BACH1: variants seen among roughly 807,000 people sequenced by gnomAD.
The protein encoded by BACH1 is BTB domain and CNC homolog 1, also known as transcription regulator protein BACH1.
Under a neutral mutation model 52.9 loss-of-function variants are expected in BACH1, and 35 were observed. The ratio of observed to expected loss-of-function variants is 0.66; its 90% CI spans 0.51 to 0.88. The LOEUF is 0.88. Ranked by LOEUF, BACH1 falls within the 40% of genes least tolerant of loss-of-function variation. The pLI, the probability that BACH1 is intolerant of heterozygous loss-of-function variation, is 0.00. For synonymous variants in BACH1, 321 were observed against 319.6 expected, an observed-to-expected ratio of 1.00 and a Z score of -0.05; for missense variants, 808 against 872.6, an observed-to-expected ratio of 0.93 and a Z score of 0.93.
chr21:29,318,833 A>G (rs867770870), intron 1 of BACH1, among the ~76,000 whole-genome samples: 29 of 149,950 alleles, frequency 1.9e-4, no homozygotes, highest in African/African-American at 6.1e-4. Context: ...CTCAGGTCCA[A>G]TTTTTTTTTT....
At position 29,343,671 on chromosome 21, in the gene BACH1, C is replaced by G. The variant is rs2089140017; in HGVS notation, c.*838C>G. The G allele has an allele frequency of 6.6e-6, 1 of 152,188 alleles. No homozygotes were observed. Among genetic ancestry groups the G allele is most frequent in the African/African-American group, 2.4e-5 (1 of 41,436 alleles). 9.4% of individuals were successfully genotyped at this position (152,188 alleles called of 1,614,324 possible). On this transcript the variant is annotated 3_prime_UTR_variant, in exon 5 of 5. Coordinates refer to ENST00000286800, the MANE Select transcript of BACH1 (RefSeq NM_001186.4). ...TGAGTGATTACACTGGCAGCATTAT[C>G]TCAGGCTCCCTAGAATCTGGAGAGC...
chr21:29,349,045 G>T (rs1220295599), downstream of BACH1, among the ~76,000 whole-genome samples: 1 of 150,900 alleles, frequency 6.6e-6, no homozygotes, highest in Non-Finnish European at 1.5e-5. Context: ...AGTGAGCCGA[G>T]ATAGCGCCAC....
chr21:29,358,770 AAAAGAAAGAAAGAAAG>A (rs373884402), intron 2 of BACH1, among the ~76,000 whole-genome samples: 99 of 108,968 alleles, frequency 9.1e-4, no homozygotes, highest in South Asian at 5.7e-3. Context: ...AAAAGAAAAG[AAAAGAAAGAAAGAAAG>A]AAAGAAAGAA....
At chr21:29,317,712 G>T (rs2088804495) in intron 1 of BACH1, among the ~76,000 whole-genome samples, 1 of 152,208 alleles carries the variant, frequency 6.6e-6, no homozygotes, top group South Asian at 2.1e-4. Flanking sequence ...AGGGGGTCAA[G>T]AGGGGCTTTA....
intron 1 of BACH1, among the ~76,000 whole-genome samples, chr21:29,304,682 T>A (rs540646485): frequency 6.6e-6 from 1 of 152,184 alleles, no homozygotes; most frequent in African/African-American, 2.4e-5. Flanking sequence ...AGTTATCTCT[T>A]CTTTTTATTG....
chr21:29,328,771 CT>C (rs1426016171), intron 3 of BACH1, among the ~76,000 whole-genome samples: 3 of 152,176 alleles, frequency 2.0e-5, no homozygotes, highest in Non-Finnish European at 4.4e-5. Flanking sequence ...ACTGTTCTGT[CT>C]ACTTCGTATA....
chr21:29,329,415 C>T, intron 3 of BACH1, 72 bp from the exon 4 acceptor site: 1 of 1,237,558 alleles, frequency 8.1e-7, no homozygotes, highest in Non-Finnish European at 1.1e-6. Flanking sequence ...TAGATGTATA[C>T]CTTCATCTTC....
intron 1 of BACH1, among the ~76,000 whole-genome samples, chr21:29,302,241 A>G (rs1376500596): frequency 6.6e-6 from 1 of 152,244 alleles, no homozygotes; most frequent in African/African-American, 2.4e-5. Flanking sequence ...TATATGTCAA[A>G]TGAGGTAATG....
At chr21:29,309,612 C>A (rs1299237125) in intron 1 of BACH1, among the ~76,000 whole-genome samples, 2 of 152,108 alleles carry the variant, frequency 1.3e-5, no homozygotes, top group Non-Finnish European at 1.5e-5. Context: ...TTCTTTAGGT[C>A]TGTGAAATTA....
Position 29,326,649 on chromosome 21 carries a change from G to C in BACH1, c.825G>C (p.Val275=), listed in dbSNP as rs779658191. 2.5e-6 allele frequency: 4 copies of C among 1,614,224 alleles called. No homozygotes were observed. The highest frequency in any genetic ancestry group is 3.4e-6 in the Non-Finnish European group (4 of 1,180,042). The change falls in exon 3 of 5, where the codon GTG becomes GTC. Residue 275 remains valine, a synonymous_variant. Coordinates refer to ENST00000286800, the MANE Select transcript of BACH1 (RefSeq NM_001186.4). ...GGVPECRDLQ[V]MLKCDESKLA... The stretch of plus-strand genomic sequence containing the variant: ...TCCCGGAGTGTAGAGATTTGCAGGT[G>C]ATGTTAAAATGTGACGAAAGTAAAT...
At chr21:29,334,680 C>G (rs2048812955) in intron 4 of BACH1, among the ~76,000 whole-genome samples, 1 of 152,152 alleles carries the variant, frequency 6.6e-6, no homozygotes, top group African/African-American at 2.4e-5. Flanking sequence ...TGTAAGTGAT[C>G]AGCAATCAGA....
chr21:29,355,080 T>C (rs2089225659), intron 2 of BACH1, among the ~76,000 whole-genome samples: 1 of 152,234 alleles, frequency 6.6e-6, no homozygotes, highest in Non-Finnish European at 1.5e-5. Context: ...TTGCCCCTGC[T>C]GACTGGGGTG....
chr21:29,326,297 C>G lies in BACH1; in HGVS notation c.473C>G (p.Ser158Ter). Residue 158 changes from serine (S) to a stop codon, truncating the protein, a stop_gained, in exon 3 of 5, where the codon TCA (serine) becomes TGA (stop). Coordinates refer to ENST00000286800, the MANE Select transcript of BACH1 (RefSeq NM_001186.4). LOFTEE classifies it high-confidence loss of function. Reference sequence around the variant, plus strand: ...TGTCAGAAAACAGACCTTAAACTTTCACTTTTGGACCAGAGGGATCTAGAA... The same window carrying G: ...TGTCAGAAAACAGACCTTAAACTTTGACTTTTGGACCAGAGGGATCTAGAA... ...SHCQKTDLKLSLLDQRDLETD... is the reference protein window; with the variant it reads ...SHCQKTDLKL 1 of 1,614,134 alleles carries G rather than the reference C, an allele frequency of 6.2e-7. No homozygotes were observed. Among genetic ancestry groups the G allele is most frequent in the Non-Finnish European group, 8.5e-7 (1 of 1,180,014 alleles).
rs1288402395 is a variant in BACH1 at position 29,308,478 on chromosome 21, C to CT, written c.-61+9531dup. Among the ~76,000 whole-genome samples, 7 of 152,180 alleles carry CT rather than the reference C, an allele frequency of 4.6e-5. No individual in the cohort carries two copies. The East Asian group carries it at 1.3e-3, about 29-fold the overall frequency. On this transcript the variant is annotated intron_variant, in intron 1 of 4. Coordinates refer to ENST00000286800, the MANE Select transcript of BACH1 (RefSeq NM_001186.4). ...TTATTTAATTAAAATTGTTAACATT[C>CT]TTTTTTATACTCTTAAGCACCTCCC...
chr21:29,341,588 T>C (rs943337767), intron 4 of BACH1, among the ~76,000 whole-genome samples: 9 of 152,248 alleles, frequency 5.9e-5, no homozygotes, highest in African/African-American at 2.2e-4. Flanking sequence ...GTGGTAGACT[T>C]TCTTATAGGG....
rs771782484 is a variant in BACH1, at chr21:29,342,996, T to C, written c.*163T>C. 7 of 663,932 alleles carry C rather than the reference T, an allele frequency of 1.1e-5. No homozygotes were observed. The highest frequency in any genetic ancestry group is 1.6e-5 in the Non-Finnish European group (7 of 429,470). 41.1% of individuals were successfully genotyped at this position (663,932 alleles called of 1,614,324 possible). On this transcript the variant is annotated 3_prime_UTR_variant, in exon 5 of 5. Transcript: ENST00000286800. ...AGTCAACCATGATTTCTCCTTGATT[T>C]CTACAAGAGACAAAGAAATGATTTT...
intron 2 of BACH1, among the ~76,000 whole-genome samples, chr21:29,352,868 C>T (rs548484516): frequency 1.1e-4 from 16 of 152,222 alleles, no homozygotes; most frequent in African/African-American, 3.4e-4. Flanking sequence ...CTCGCCACCA[C>T]ACCTGGCTAA....
At chr21:29,311,727 A>G (rs2154498) in intron 1 of BACH1, among the ~76,000 whole-genome samples, 18,524 of 151,698 alleles carry the variant, frequency 0.12, 1,237 homozygotes, top group African/African-American at 0.17. Flanking sequence ...CTTTTTTTCT[A>G]TTTCTTTTTC....
chr21:29,325,012 A>G (rs2088893682), intron 2 of BACH1, among the ~76,000 whole-genome samples: 1 of 152,262 alleles, frequency 6.6e-6, no homozygotes, highest in African/African-American at 2.4e-5. Flanking sequence ...GTGGATCACG[A>G]GGTCAGGAAA....
Sources: gnomAD v4.1 joint callset for allele counts (sites outside exome capture counted in the v4.1 genomes callset) on GRCh38, gnomAD v4.1.1 for gene constraint, MANE v1.5 for transcripts, NCBI Gene and HGNC (gene_info 2026-07-23, HGNC 2026-07-21) for gene names.